ZNF385D: variants seen among roughly 807,000 people sequenced by gnomAD.
ZNF385D encodes the protein zinc finger protein 385D, also known as zinc finger protein 659.
ZNF385D carries 15 observed loss-of-function variants against 35.8 expected under a neutral mutation model. The observed-to-expected ratio is 0.42, with a 90% confidence interval of 0.28 to 0.64. The LOEUF is 0.64. Among genes scored for constraint, ZNF385D ranks in the 30% least tolerant of loss-of-function variants. ZNF385D has a pLI of 0.23. For missense variants in ZNF385D, 474 were observed against 494.6 expected, an observed-to-expected ratio of 0.96 and a Z score of 0.39; for synonymous variants, 212 against 186.8, an observed-to-expected ratio of 1.13 and a Z score of -1.10.
intron 3 of ZNF385D, among the ~76,000 whole-genome samples, chr3:21,968,481 G>T (rs375654184): frequency 6.6e-6 from 1 of 151,930 alleles, no homozygotes; most frequent in Non-Finnish European, 1.5e-5. Flanking sequence ...CCAGGCAGAA[G>T]AGCTCTCAAG....
chr3:22,296,974 T>A (rs1464324410), intron 2 of ZNF385D, among the ~76,000 whole-genome samples: 1 of 152,088 alleles, frequency 6.6e-6, no homozygotes, highest in Admixed American at 6.6e-5. Flanking sequence ...AGTAACAGTT[T>A]TGCCCTAACA....
intron 3 of ZNF385D, among the ~76,000 whole-genome samples, chr3:22,161,537 T>C (rs1344612565): frequency 6.6e-6 from 1 of 152,088 alleles, no homozygotes; most frequent in Non-Finnish European, 1.5e-5. Context: ...GGGTGAATCA[T>C]GAGATCTCTG....
At chr3:21,726,291 C>A (rs2068762851) in intron 1 of ZNF385D, among the ~76,000 whole-genome samples, 1 of 152,154 alleles carries the variant, frequency 6.6e-6, no homozygotes, top group East Asian at 1.9e-4. Context: ...CCTCTCTCAC[C>A]ACTCCTATTC....
intron 3 of ZNF385D, among the ~76,000 whole-genome samples, chr3:21,975,118 CCA>C (rs1413529052): frequency 1.3e-5 from 2 of 152,174 alleles, no homozygotes; most frequent in Non-Finnish European, 2.9e-5. Context: ...ATCTGCACTT[CCA>C]CAGTTTGTGG....
chr3:21,740,670 G>A lies in ZNF385D; in HGVS notation c.22+10225C>T, dbSNP rs116483965. Among the ~76,000 whole-genome samples, 1,487 of 152,202 alleles carry A rather than the reference G, an allele frequency of 9.8e-3. 28 individuals are homozygous for A. The highest frequency in any genetic ancestry group is 0.033 in the African/African-American group (1,376 of 41,516). On this transcript the variant is annotated intron_variant, in intron 1 of 7. Coordinates refer to ENST00000281523, the MANE Select transcript of ZNF385D (RefSeq NM_024697.3). ...TTTCCGTGAGAGGAGACAATGTGTC[G>A]TGGGGAAAGAACCCAGGCTTTGAAC...
chr3:22,372,378 C>G, intron 2 of ZNF385D: 3 of 940,754 alleles, frequency 3.2e-6, no homozygotes, highest in Middle Eastern at 5.5e-4. Context: ...GGGCGCAACC[C>G]TAGCTCCTTG....
At chr3:22,363,361 G>T (rs1028511072) in intron 2 of ZNF385D, among the ~76,000 whole-genome samples, 1 of 152,126 alleles carries the variant, frequency 6.6e-6, no homozygotes, top group Admixed American at 6.5e-5. Context: ...CATTAAAAGG[G>T]GAAAAATGGA....
At chr3:21,866,190 C>T (rs571512369) in intron 3 of ZNF385D, among the ~76,000 whole-genome samples, 7 of 152,086 alleles carry the variant, frequency 4.6e-5, no homozygotes, top group Admixed American at 3.9e-4. Context: ...CAGTGGCTCA[C>T]GCCTATAATC....
At chr3:21,444,021 T>C (rs1235282529) in intron 4 of ZNF385D, among the ~76,000 whole-genome samples, 2 of 151,768 alleles carry the variant, frequency 1.3e-5, no homozygotes, top group African/African-American at 4.8e-5. Context: ...GTTATTCTAA[T>C]GAAAAATATT....
At chr3:21,653,886 GT>G (rs145461401) in intron 2 of ZNF385D, among the ~76,000 whole-genome samples, 1 of 151,982 alleles carries the variant, frequency 6.6e-6, no homozygotes, top group Non-Finnish European at 1.5e-5. Flanking sequence ...TATATCACAG[GT>G]TTTTTGGAAG....
At chr3:22,076,215 A>G (rs1396343729) in intron 3 of ZNF385D, among the ~76,000 whole-genome samples, 2 of 151,844 alleles carry the variant, frequency 1.3e-5, no homozygotes, top group Non-Finnish European at 2.9e-5. Flanking sequence ...AAAAGTCCTC[A>G]TTAGTTTCTC....
intron 3 of ZNF385D, among the ~76,000 whole-genome samples, chr3:21,956,064 A>T: frequency 6.6e-6 from 1 of 152,054 alleles, no homozygotes; most frequent in Non-Finnish European, 1.5e-5. Flanking sequence ...GCACATGCCC[A>T]TAGTCCCAGT....
chr3:22,161,827 A>G (rs975356675), intron 3 of ZNF385D, among the ~76,000 whole-genome samples: 2 of 152,208 alleles, frequency 1.3e-5, no homozygotes, highest in South Asian at 2.1e-4. Flanking sequence ...ACTCAATAAC[A>G]TAAGAAAATA....
At chr3:21,957,208 C>T (rs2125310297) in intron 3 of ZNF385D, 1 of 153,082 alleles carries the variant, frequency 6.5e-6, no homozygotes, top group Middle Eastern at 3.4e-3. Flanking sequence ...TCCAATTAAA[C>T]TTCTTTCTTT....
chr3:22,236,919 TTATC>T (rs1699218848), intron 2 of ZNF385D, among the ~76,000 whole-genome samples: 1 of 152,254 alleles, frequency 6.6e-6, no homozygotes, highest in African/African-American at 2.4e-5. Flanking sequence ...TACATTTTAT[TTATC>T]TACATATTAT....
At chr3:22,274,254 C>G (rs62246557) in intron 2 of ZNF385D, among the ~76,000 whole-genome samples, 2,470 of 151,836 alleles carry the variant, frequency 0.016, 52 homozygotes, top group South Asian at 0.096. Flanking sequence ...TTTTGTCTAC[C>G]TAGATACTAA....
At chr3:21,621,892 T>TGC (rs1471340575) in intron 2 of ZNF385D, among the ~76,000 whole-genome samples, 3 of 149,144 alleles carry the variant, frequency 2.0e-5, no homozygotes, top group Non-Finnish European at 4.4e-5. Flanking sequence ...TGTGTGTGTG[T>TGC]GTGCGTGCAC....
intron 3 of ZNF385D, among the ~76,000 whole-genome samples, chr3:21,975,750 T>C (rs1358370649): frequency 2.1e-5 from 2 of 93,958 alleles, no homozygotes; most frequent in East Asian, 2.5e-4. Context: ...TATATATATA[T>C]ATATACACAC....
intron 4 of ZNF385D, among the ~76,000 whole-genome samples, chr3:21,495,396 A>G (rs1705757407): frequency 6.6e-6 from 1 of 152,164 alleles, no homozygotes; most frequent in Admixed American, 6.5e-5. Flanking sequence ...CAATCCTAAG[A>G]ATATCACTCA....
Sources: allele counts gnomAD v4.1 joint callset (sites outside exome capture counted in the v4.1 genomes callset), GRCh38; gene constraint gnomAD v4.1.1; transcripts MANE v1.5; gene names NCBI Gene and HGNC (gene_info 2026-07-23, HGNC 2026-07-21).